ARHGEF40: variants seen among roughly 807,000 people sequenced by gnomAD.
The protein encoded by ARHGEF40 is Rho guanine nucleotide exchange factor (GEF) 40.
Under a neutral mutation model 165.9 loss-of-function variants are expected in ARHGEF40, and 98 were observed. The observed-to-expected ratio is 0.59, with a 90% CI of 0.50 to 0.70. The LOEUF (loss-of-function observed/expected upper bound fraction) is 0.70, where lower values mean the gene tolerates loss of function less well. Ranked by LOEUF, ARHGEF40 falls within the 30% of genes least tolerant of loss-of-function variation. ARHGEF40 has a pLI of 0.00. For missense variants in ARHGEF40, 1,815 were observed against 1,968.0 expected (o/e 0.92, Z 1.47); for synonymous variants, 792 against 814.3 (o/e 0.97, Z 0.47).
upstream of ARHGEF40, among the ~76,000 whole-genome samples, chr14:21,066,126 C>A (rs553686402): frequency 1.4e-4 from 21 of 152,126 alleles, no homozygotes; most frequent in African/African-American, 5.1e-4. Flanking sequence ...CAACAAAAAC[C>A]TGAAAAGCTG....
At chr14:21,077,719 TGTGA>T (rs930110233) in intron 8 of ARHGEF40, among the ~76,000 whole-genome samples, 1 of 152,278 alleles carries the variant, frequency 6.6e-6, no homozygotes, top group Admixed American at 6.5e-5. Flanking sequence ...ATATAAGTGT[TGTGA>T]GTATTCAAGA....
chr14:21,082,374 A>G lies in ARHGEF40; in HGVS notation c.3382A>G (p.Ser1128Gly). 1 of 1,611,262 alleles carries G rather than the reference A, an allele frequency of 6.2e-7. No homozygotes were observed. ...ELRGTWAAAL[S>G]ARERLRSFHR... is the part of the protein sequence containing the mutation. ...TCGGGGCACCTGGGCTGCTGCCCTG[A>G]GTGCCCGGGAAAGGCTTCGCAGCTT... Residue 1128 changes from serine to glycine, a missense_variant, in exon 15 of 24, where the codon AGT (serine) becomes GGT (glycine). Transcript: ENST00000298694.
upstream of ARHGEF40, among the ~76,000 whole-genome samples, chr14:21,069,888 A>G (rs371373477): frequency 8.1e-4 from 123 of 152,176 alleles, no homozygotes; most frequent in African/African-American, 2.8e-3. Context: ...CCGCAGGAAG[A>G]CCCCAGTTCT....
rs2139252690 is a variant in ARHGEF40 at position 21,082,765 on chromosome 14, G to A, written c.3487-66G>A. 2.0e-6 allele frequency: 3 copies of A among 1,507,904 alleles called. No individual in the cohort carries two copies. The South Asian group carries it at 3.4e-5, about 17-fold the overall frequency. 93.4% of individuals were successfully genotyped at this position (1,507,904 alleles called of 1,614,324 possible). On this transcript the variant is annotated intron_variant, in intron 15 of 23. Coordinates refer to ENST00000298694, the MANE Select transcript of ARHGEF40 (RefSeq NM_018071.5). ...TTGGGCTACAGAGAGGATAGAGAGG[G>A]GGAAGAGAGAGGCTTGTCTGCAGCG...
At position 21,074,204 on chromosome 14, in the gene ARHGEF40, A is replaced by T. The variant is rs756272050; in HGVS notation, c.474A>T (p.Pro158=). ...EWLQGINKDR[P]TGRLSTCLLS... is the part of the protein sequence containing the mutation. ...TACAAGGCATCAACAAGGACCGGCC[A>T]ACAGGTCGCCTCAGTACCTGCCTAC... The change falls in exon 3 of 24, where the codon CCA becomes CCT. Residue 158 remains proline (P), a synonymous_variant. Transcript: ENST00000298694. The surrounding 1 kb of genome is among the most constrained non-coding windows in gnomAD (Gnocchi z 4.8). The T allele has an allele frequency of 6.2e-7, 1 of 1,614,154 alleles. No individual in the cohort carries two copies. The highest frequency in any genetic ancestry group is 2.2e-5 in the East Asian group (1 of 44,884).
At chr14:21,065,232 A>G in the ARHGEF40 span, among the ~76,000 whole-genome samples, 1 of 151,946 alleles carries the variant, frequency 6.6e-6, no homozygotes, top group Non-Finnish European at 1.5e-5. Context: ...CCACTTGCAA[A>G]TATCCTCCAA....
Position 21,090,233 on chromosome 14 carries a change from C to T in ARHGEF40, c.*1225C>T, listed in dbSNP as rs1350440343. The T allele has an allele frequency of 6.3e-6, 4 of 638,416 alleles. No homozygotes were observed. Among genetic ancestry groups the T allele is most frequent in the Non-Finnish European group, 1.2e-5 (4 of 343,534 alleles). 39.5% of individuals were successfully genotyped at this position (638,416 alleles called of 1,614,324 possible). On this transcript the variant is annotated 3_prime_UTR_variant, in exon 24 of 24. Coordinates refer to ENST00000298694, the MANE Select transcript of ARHGEF40 (RefSeq NM_018071.5). This position sits in a 1 kb window ranked among gnomAD's most constrained non-coding sequence, Gnocchi z 4.4. ...CCTTGTACAAAAATAAACTCTCACG[C>T]CTATGGACCAGCAAAGACTGGCAGA...
chr14:21,089,310 C>T lies in ARHGEF40; in HGVS notation c.*302C>T, dbSNP rs777716213. On this transcript the variant is annotated 3_prime_UTR_variant, in exon 24 of 24. Transcript: ENST00000298694. The stretch of plus-strand genomic sequence containing the variant: ...CTGGGCCACTGTATCCAGGACATCA[C>T]TCCCATGCCAGCCCTCCCTGGCAGC... 1.4e-4 allele frequency: 23 copies of T among 158,964 alleles called. No homozygotes were observed. The highest frequency in any genetic ancestry group is 1.9e-4 in the Admixed American group (3 of 15,476). 9.8% of individuals were successfully genotyped at this position (158,964 alleles called of 1,614,324 possible).
At chr14:21,088,415 C>T (rs1888546735) in intron 22 of ARHGEF40, among the ~76,000 whole-genome samples, 1 of 151,618 alleles carries the variant, frequency 6.6e-6, no homozygotes, top group Non-Finnish European at 1.5e-5. Flanking sequence ...TAAGGTGGCT[C>T]ATACCTGTAA....
At position 21,081,685 on chromosome 14, in the gene ARHGEF40, C is replaced by A; in HGVS notation, c.2817C>A (p.Gly939=). Residue 939 remains glycine, a synonymous_variant, in exon 14 of 24, where the codon GGC becomes GGA. Transcript: ENST00000298694. ...GCCCAGCAGCCCTGCGAGAATGGGG[C>A]CGCTGCCAGGCCCGCTGCCAAGAGC... ...LGSPAALREW[G]RCQARCQELE... is the part of the protein sequence containing the mutation. 6.3e-7 allele frequency: 1 copy of A among 1,588,920 alleles called. No homozygotes were observed. The highest frequency in any genetic ancestry group is 1.1e-5 in the South Asian group (1 of 89,024).
chr14:21,070,223 T>G (rs1202469168), upstream of ARHGEF40: 1 of 520,636 alleles, frequency 1.9e-6, no homozygotes, highest in African/African-American at 2.0e-5. This position sits in a 1 kb window ranked among gnomAD's most constrained non-coding sequence, Gnocchi z 4.7. Context: ...GGCGGCCGTC[T>G]CGGCCCTCCC....
At chr14:21,066,197 A>G (rs1886253295), upstream of ARHGEF40, among the ~76,000 whole-genome samples, 1 of 152,234 alleles carries the variant, frequency 6.6e-6, no homozygotes, top group South Asian at 2.1e-4. Flanking sequence ...CCACAGGGCT[A>G]TGGTAAAAGA....
intron 19 of ARHGEF40, chr14:21,086,797 T>C (rs1273088779): frequency 5.5e-6 from 3 of 545,606 alleles, no homozygotes; most frequent in African/African-American, 3.8e-5. Flanking sequence ...GAGCCAGATA[T>C]CTGAGGAGGA....
At chr14:21,062,019 A>C in the ARHGEF40 span, among the ~76,000 whole-genome samples, 1 of 152,252 alleles carries the variant, frequency 6.6e-6, no homozygotes, top group African/African-American at 2.4e-5. Context: ...TTAACTACTT[A>C]CAAATAAGAT....
In ARHGEF40 at chr14:21,074,572, G is replaced by T; in HGVS notation, c.842G>T (p.Gly281Val). Reference sequence around the variant, plus strand: ...ACCCGCAAGGGCGCTGGAGGGAAGGGCCGCCACCGGAGACACCGGGCGTGG... The same window carrying T: ...ACCCGCAAGGGCGCTGGAGGGAAGGTCCGCCACCGGAGACACCGGGCGTGG... Reference protein sequence around the residue: ...VPTRKGAGGKGRHRRHRAWMH... With the variant: ...VPTRKGAGGKVRHRRHRAWMH... Residue 281 changes from glycine to valine, a missense_variant, in exon 3 of 24, where the codon GGC becomes GTC. Coordinates refer to ENST00000298694, the MANE Select transcript of ARHGEF40 (RefSeq NM_018071.5). This position sits in a 1 kb window ranked among gnomAD's most constrained non-coding sequence, Gnocchi z 4.8. The T allele has an allele frequency of 6.4e-7, 1 of 1,554,832 alleles. No homozygotes were observed.
At position 21,076,858 on chromosome 14, in the gene ARHGEF40, C is replaced by A. The variant is rs768222621; in HGVS notation, c.2002C>A (p.Pro668Thr). Reference sequence around the variant, plus strand: ...GTGGGAGTTAGGAGGTCACAGGGACCCCTCTCCCAGTCACTGGGTAGAGAT... The same window carrying A: ...GTGGGAGTTAGGAGGTCACAGGGACACCTCTCCCAGTCACTGGGTAGAGAT... Reference protein sequence around the residue: ...LQWELGGHRDPSPSHWVEIHQ... With the variant: ...LQWELGGHRDTSPSHWVEIHQ... Residue 668 changes from proline to threonine, a missense_variant, in exon 8 of 24, where the codon CCC (proline) becomes ACC (threonine). Physicochemically the swap from Pro to Thr is conservative, Grantham distance 38. Transcript: ENST00000298694. 3 of 1,613,486 alleles carry A rather than the reference C, an allele frequency of 1.9e-6. No homozygotes were observed. The African/African-American group carries it at 4.0e-5, about 22-fold the overall frequency.
At position 21,089,850 on chromosome 14, in the gene ARHGEF40, T is replaced by C. The variant is rs1888678233; in HGVS notation, c.*842T>C. The C allele has an allele frequency of 5.6e-6, 1 of 179,846 alleles. No individual in the cohort carries two copies. Among genetic ancestry groups the C allele is most frequent in the Non-Finnish European group, 1.2e-5 (1 of 84,772 alleles). The allele number at this position is 179,846 out of a possible 1,614,324, so 11.1% of individuals were successfully genotyped here. ...CAGCACAGTCCAGCAGTTCTCAAAA[T>C]GAGGTCCTCAGGCCACAGTGCGTGA... is the stretch of plus-strand genomic sequence containing the variant. On this transcript the variant is annotated 3_prime_UTR_variant, in exon 24 of 24. Coordinates refer to ENST00000298694, the MANE Select transcript of ARHGEF40 (RefSeq NM_018071.5).
rs1444303375 is a variant in ARHGEF40 at position 21,082,086 on chromosome 14, G to A, written c.3218G>A (p.Gly1073Asp). Reference sequence around the variant, plus strand: ...GGGCCAGACGGACCCTGGGGAGTAGGCACCCCCCGGATGGAGCGCAAGCGA... The same window carrying A: ...GGGCCAGACGGACCCTGGGGAGTAGACACCCCCCGGATGGAGCGCAAGCGA... ...ARGPDGPWGV[G>D]TPRMERKRSI... Residue 1073 changes from glycine to aspartate, a missense_variant, in exon 14 of 24, where the codon GGC (glycine) becomes GAC (aspartate). By Grantham distance (94) the Gly-to-Asp change is moderately conservative. Coordinates refer to ENST00000298694, the MANE Select transcript of ARHGEF40 (RefSeq NM_018071.5). 3 of 1,560,958 alleles carry A rather than the reference G, an allele frequency of 1.9e-6. No homozygotes were observed. Among genetic ancestry groups the A allele is most frequent in the Non-Finnish European group, 1.7e-6 (2 of 1,152,612 alleles).
At chr14:21,066,511 G>A (rs371483125), upstream of ARHGEF40, among the ~76,000 whole-genome samples, 12 of 152,256 alleles carry the variant, frequency 7.9e-5, no homozygotes, top group East Asian at 1.4e-3. Context: ...GTAGAGACAG[G>A]GTTTCACCAT....
Sources: allele counts gnomAD v4.1 joint callset (sites outside exome capture counted in the v4.1 genomes callset), GRCh38; gene constraint gnomAD v4.1.1; non-coding constraint Gnocchi (gnomAD v3.1); transcripts MANE v1.5; gene names NCBI Gene and HGNC (gene_info 2026-07-23, HGNC 2026-07-21).